Variants in PRKN observed in about 807,000 individuals in gnomAD.
The protein encoded by PRKN is parkin RBR E3 ubiquitin protein ligase.
Under a neutral mutation model 59.5 loss-of-function variants are expected in PRKN, and 56 were observed. The ratio of observed to expected loss-of-function variants is 0.94; its 90% confidence interval spans 0.76 to 1.18. PRKN has a LOEUF of 1.18. PRKN is among the 50% of genes most tolerant of loss of function. PRKN has a pLI of 0.00. For missense variants in PRKN, 657 were observed against 596.4 expected, an observed-to-expected ratio of 1.10 and a Z score of -1.06; for synonymous variants, 250 against 222.1, an observed-to-expected ratio of 1.13 and a Z score of -1.12.
At position 162,321,659 on chromosome 6, in the gene PRKN, T is replaced by C. The variant is rs1783028985; in HGVS notation, c.172-58894A>G. 3.9e-5 allele frequency among the ~76,000 whole-genome samples: 6 copies of C among 152,140 alleles called. No homozygotes were observed. The South Asian group carries it at 6.2e-4, about 16-fold the overall frequency. Reference sequence around the variant, plus strand: ...CAACAATATGTCAAATAACGATACATTGTGACTGAATGGGGTTTCACCCAA... The same window carrying C: ...CAACAATATGTCAAATAACGATACACTGTGACTGAATGGGGTTTCACCCAA... On this transcript the variant is annotated intron_variant, in intron 2 of 11. Transcript: ENST00000366898.
At chr6:162,294,771 TAAAAG>T (rs1214545233) in intron 2 of PRKN, among the ~76,000 whole-genome samples, 5 of 151,642 alleles carry the variant, frequency 3.3e-5, no homozygotes, top group East Asian at 1.9e-4. Flanking sequence ...AATAAAAACA[TAAAAG>T]AAAAGAATAG....
At chr6:161,833,135 G>C (rs1043912427) in intron 6 of PRKN, among the ~76,000 whole-genome samples, 1 of 152,068 alleles carries the variant, frequency 6.6e-6, no homozygotes, top group Non-Finnish European at 1.5e-5. Context: ...GACGGAGCCC[G>C]CTCTAAGAGA....
intron 4 of PRKN, among the ~76,000 whole-genome samples, chr6:162,101,397 G>A (rs1006594303): frequency 2.6e-5 from 4 of 151,662 alleles, no homozygotes; most frequent in Non-Finnish European, 4.4e-5. Context: ...GGCCAGGCGC[G>A]GTGGCTCACG....
Position 162,080,350 on chromosome 6 carries a change from A to C in PRKN, c.535-26176T>G, listed in dbSNP as rs538756699. Reference sequence around the variant, plus strand: ...TAAGATTTTGGTGAGGATAAAACAAACAAAACACATGAAAAGTTCTTTTCC... The same window carrying C: ...TAAGATTTTGGTGAGGATAAAACAACCAAAACACATGAAAAGTTCTTTTCC... On this transcript the variant is annotated intron_variant, in intron 4 of 11. Coordinates refer to ENST00000366898, the MANE Select transcript of PRKN (RefSeq NM_004562.3). Among the ~76,000 whole-genome samples the C allele has an allele frequency of 1.9e-3, 295 of 152,254 alleles. 3 individuals are homozygous for C. Among genetic ancestry groups the C allele is most frequent in the African/African-American group, 6.7e-3 (280 of 41,508 alleles).
chr6:161,737,403 G>C (rs1224348431), intron 7 of PRKN, among the ~76,000 whole-genome samples: 1 of 152,154 alleles, frequency 6.6e-6, no homozygotes, highest in Non-Finnish European at 1.5e-5. Context: ...GGATGGAGAG[G>C]GGAGAACAAT....
intron 1 of PRKN, among the ~76,000 whole-genome samples, chr6:162,476,678 A>G (rs1001487974): frequency 6.6e-6 from 1 of 152,144 alleles, no homozygotes; most frequent in South Asian, 2.1e-4. Flanking sequence ...GTTCAACCTC[A>G]TGAACAAGAG....
chr6:162,550,815 T>A (rs1214516615), intron 1 of PRKN, among the ~76,000 whole-genome samples: 1 of 152,172 alleles, frequency 6.6e-6, no homozygotes. Context: ...CACTTCCCTG[T>A]GTGTCATGCT....
chr6:162,606,869 C>T (rs1361191855), intron 1 of PRKN, among the ~76,000 whole-genome samples: 6 of 152,048 alleles, frequency 3.9e-5, no homozygotes, highest in Non-Finnish European at 5.9e-5. Flanking sequence ...TATGTCATCA[C>T]GGCTGGCTAT....
At chr6:162,691,821 A>G (rs902851250) in intron 1 of PRKN, among the ~76,000 whole-genome samples, 3 of 152,236 alleles carry the variant, frequency 2.0e-5, no homozygotes, top group Admixed American at 2.0e-4. Context: ...AGAAAGGGAA[A>G]GGAAGACATC....
intron 7 of PRKN, among the ~76,000 whole-genome samples, chr6:161,762,174 G>A (rs1172014486): frequency 6.6e-6 from 1 of 152,144 alleles, no homozygotes; most frequent in Non-Finnish European, 1.5e-5. Flanking sequence ...GCAACAGTAA[G>A]AAAAAATACG....
intron 9 of PRKN, among the ~76,000 whole-genome samples, chr6:161,426,323 A>T (rs974768082): frequency 2.0e-5 from 3 of 152,096 alleles, no homozygotes; most frequent in Admixed American, 6.6e-5. Flanking sequence ...TATGTCTGTG[A>T]GGGTGTTGTC....
intron 2 of PRKN, among the ~76,000 whole-genome samples, chr6:162,294,937 G>A (rs949185450): frequency 1.3e-5 from 2 of 152,152 alleles, no homozygotes; most frequent in African/African-American, 4.8e-5. Context: ...ACCTGGATCT[G>A]GGTTGTGCTT....
At chr6:162,727,392 G>T (rs1345113721) in intron 1 of PRKN, 5 of 473,500 alleles carry the variant, frequency 1.1e-5, no homozygotes, top group Non-Finnish European at 1.9e-5. Flanking sequence ...GCGGGGGTGC[G>T]GGGCCGCCTG....
intron 6 of PRKN, among the ~76,000 whole-genome samples, chr6:161,866,801 G>C (rs1794129040): frequency 6.6e-6 from 1 of 152,164 alleles, no homozygotes; most frequent in Non-Finnish European, 1.5e-5. Context: ...GGTGTGGGAG[G>C]ATGTGGGGTA....
In PRKN at chr6:162,096,687, C is replaced by T. The variant is rs1335291124; in HGVS notation, c.535-42513G>A. Reference sequence around the variant, plus strand: ...CTTGGTTCTCATTCTCTTTTGCCTGCCGCCATGTAAGATGTGCCTTTGCCT... The same window carrying T: ...CTTGGTTCTCATTCTCTTTTGCCTGTCGCCATGTAAGATGTGCCTTTGCCT... On this transcript the variant is annotated intron_variant, in intron 4 of 11. Transcript: ENST00000366898. Among the ~76,000 whole-genome samples, 10 of 151,974 alleles carry T rather than the reference C, an allele frequency of 6.6e-5. No individual in the cohort carries two copies. In the South Asian group the frequency reaches 8.3e-4, roughly 13 times the overall value.
intron 1 of PRKN, among the ~76,000 whole-genome samples, chr6:162,712,013 T>A (rs1778556752): frequency 6.6e-6 from 1 of 152,190 alleles, no homozygotes; most frequent in South Asian, 2.1e-4. Context: ...GTTGGCTTCA[T>A]CCTGCTGCTT....
At chr6:161,774,639 T>C (rs937411072) in intron 7 of PRKN, among the ~76,000 whole-genome samples, 5 of 152,144 alleles carry the variant, frequency 3.3e-5, no homozygotes, top group African/African-American at 7.2e-5. Context: ...GATGGCAGGA[T>C]TCGGGTCTGG....
At chr6:162,003,029 C>T (rs992909728) in intron 5 of PRKN, among the ~76,000 whole-genome samples, 1 of 151,790 alleles carries the variant, frequency 6.6e-6, no homozygotes, top group African/African-American at 2.4e-5. Context: ...TTTTATGGCC[C>T]AGAATGTTCT....
At chr6:161,947,071 T>C (rs1779810224) in intron 6 of PRKN, among the ~76,000 whole-genome samples, 1 of 152,220 alleles carries the variant, frequency 6.6e-6, no homozygotes, top group African/African-American at 2.4e-5. Context: ...CATATGTTGA[T>C]GTCTGCAAGT....
Sources: gnomAD v4.1 joint callset for allele counts (sites outside exome capture counted in the v4.1 genomes callset) on GRCh38, gnomAD v4.1.1 for gene constraint, MANE v1.5 for transcripts, NCBI Gene and HGNC (gene_info 2026-07-23, HGNC 2026-07-21) for gene names.